AUTS2: variants seen among roughly 807,000 people sequenced by gnomAD.
The protein encoded by AUTS2 is activator of transcription and developmental regulator AUTS2.
AUTS2 carries 17 observed loss-of-function variants against 112.4 expected under a neutral mutation model. That is an observed-to-expected ratio of 0.15 (90% CI 0.10 to 0.23). The LOEUF is 0.23. Ranked by LOEUF, AUTS2 falls within the 10% of genes least tolerant of loss-of-function variation. The pLI is 1.00. For synonymous variants in AUTS2, 751 were observed against 702.7 expected, an observed-to-expected ratio of 1.07 and a Z score of -1.09; for missense variants, 1,510 against 1,701.6, an observed-to-expected ratio of 0.89 and a Z score of 1.98.
At chr7:70,689,552 A>G (rs11976463) in intron 5 of AUTS2, among the ~76,000 whole-genome samples, 3,294 of 151,948 alleles carry the variant, frequency 0.022, 139 homozygotes, top group African/African-American at 0.074. Flanking sequence ...TGAGGCGGGC[A>G]GATCACGAGG....
At chr7:69,676,258 G>A (rs1796558865) in intron 1 of AUTS2, among the ~76,000 whole-genome samples, 1 of 152,200 alleles carries the variant, frequency 6.6e-6, no homozygotes, top group Non-Finnish European at 1.5e-5. Flanking sequence ...TAGACCCTTA[G>A]GTATGGCCCT....
intron 5 of AUTS2, among the ~76,000 whole-genome samples, chr7:70,549,840 C>T (rs1646744470): frequency 6.6e-6 from 1 of 152,172 alleles, no homozygotes; most frequent in African/African-American, 2.4e-5. Flanking sequence ...AGGTAGACAC[C>T]ACACACTCTC....
At chr7:70,535,731 T>G (rs1249463757) in intron 5 of AUTS2, among the ~76,000 whole-genome samples, 1 of 152,158 alleles carries the variant, frequency 6.6e-6, no homozygotes, top group Non-Finnish European at 1.5e-5. Flanking sequence ...GTTGTTTTCA[T>G]CTTACTTGGT....
At chr7:70,379,949 G>T (rs1194562468) in intron 4 of AUTS2, among the ~76,000 whole-genome samples, 3 of 152,134 alleles carry the variant, frequency 2.0e-5, no homozygotes, top group East Asian at 3.8e-4. Flanking sequence ...AAAATATTTC[G>T]ATCAGGTGCA....
intron 5 of AUTS2, among the ~76,000 whole-genome samples, chr7:70,555,379 TG>T (rs1314228304): frequency 6.6e-6 from 1 of 152,214 alleles, no homozygotes; most frequent in Non-Finnish European, 1.5e-5. Context: ...TTGCTTTCAT[TG>T]GTAGCTCATG....
chr7:69,860,719 GCTCT>G (rs775037393), intron 1 of AUTS2, among the ~76,000 whole-genome samples: 1 of 152,064 alleles, frequency 6.6e-6, no homozygotes, highest in Non-Finnish European at 1.5e-5. Context: ...TTTAAAGTAA[GCTCT>G]CTAATTATGC....
intron 1 of AUTS2, among the ~76,000 whole-genome samples, chr7:69,604,498 G>C (rs960501948): frequency 1.3e-5 from 2 of 152,180 alleles, no homozygotes; most frequent in African/African-American, 4.8e-5. Flanking sequence ...TCAACTAAGC[G>C]CCATAGGCTT....
At chr7:69,726,359 T>A (rs1340234344) in intron 1 of AUTS2, among the ~76,000 whole-genome samples, 1 of 152,216 alleles carries the variant, frequency 6.6e-6, no homozygotes, top group Non-Finnish European at 1.5e-5. Flanking sequence ...TGTTCTATAT[T>A]GTTACATGTC....
chr7:70,040,524 T>C (rs1293701532), intron 2 of AUTS2, among the ~76,000 whole-genome samples: 1 of 152,242 alleles, frequency 6.6e-6, no homozygotes, highest in African/African-American at 2.4e-5. Flanking sequence ...AATAGCCATT[T>C]TACAAAGGAA....
intron 1 of AUTS2, among the ~76,000 whole-genome samples, chr7:69,781,938 TC>T (rs1455070581): frequency 6.6e-6 from 1 of 152,152 alleles, no homozygotes; most frequent in Non-Finnish European, 1.5e-5. Flanking sequence ...ACTTATTAAT[TC>T]CCCTTCTCTT....
intron 1 of AUTS2, among the ~76,000 whole-genome samples, chr7:69,728,682 T>TTC (rs1786640239): frequency 6.8e-6 from 1 of 147,194 alleles, no homozygotes; most frequent in African/African-American, 2.5e-5. Context: ...GCTTGTGGCT[T>TTC]TTTTTTTTTT....
intron 1 of AUTS2, among the ~76,000 whole-genome samples, chr7:69,801,678 C>T (rs1347271179): frequency 2.0e-5 from 3 of 152,054 alleles, no homozygotes; most frequent in Non-Finnish European, 4.4e-5. Context: ...TTCATTTATT[C>T]ATTCATTCAA....
chr7:70,204,574 G>GAT (rs1810475403), intron 4 of AUTS2, among the ~76,000 whole-genome samples: 1 of 152,094 alleles, frequency 6.6e-6, no homozygotes, highest in African/African-American at 2.4e-5. Flanking sequence ...TATACAGCAG[G>GAT]ATAGATTTGT....
In AUTS2 at chr7:70,330,748, C is replaced by T. The variant is rs574864834; in HGVS notation, c.661-105004C>T. Among the ~76,000 whole-genome samples, 4 of 152,282 alleles carry T rather than the reference C, an allele frequency of 2.6e-5. No individual in the cohort carries two copies. The South Asian group carries it at 8.3e-4, about 32-fold the overall frequency. On this transcript the variant is annotated intron_variant, in intron 4 of 18. Coordinates refer to ENST00000342771, the MANE Select transcript of AUTS2 (RefSeq NM_015570.4). ...ACATCTTAACAATACTGTCTCCCAA[C>T]CCATGAACACAGGGTGTCCGTCTAT... is the stretch of plus-strand genomic sequence containing the variant.
chr7:70,516,519 A>G (rs1799424794), intron 5 of AUTS2, among the ~76,000 whole-genome samples: 1 of 152,228 alleles, frequency 6.6e-6, no homozygotes, highest in Non-Finnish European at 1.5e-5. Flanking sequence ...AGTCTGAGCC[A>G]AGCATGAATC....
At chr7:69,628,246 G>T (rs980540461) in intron 1 of AUTS2, among the ~76,000 whole-genome samples, 1 of 152,182 alleles carries the variant, frequency 6.6e-6, no homozygotes, top group Non-Finnish European at 1.5e-5. Context: ...TGTGCTTGGA[G>T]CCTGTGTTTG....
intron 5 of AUTS2, among the ~76,000 whole-genome samples, chr7:70,570,958 C>G (rs1269805136): frequency 6.6e-6 from 1 of 152,188 alleles, no homozygotes; most frequent in South Asian, 2.1e-4. Context: ...CACACATTTG[C>G]TGAACACACC....
intron 2 of AUTS2, among the ~76,000 whole-genome samples, chr7:70,023,563 T>G (rs2129555581): frequency 6.6e-6 from 1 of 152,340 alleles, no homozygotes; most frequent in Non-Finnish European, 1.5e-5. Flanking sequence ...GTGAGGATAA[T>G]GAGTTAATGA....
intron 4 of AUTS2, among the ~76,000 whole-genome samples, chr7:70,280,385 G>A (rs941339050): frequency 3.4e-5 from 5 of 149,200 alleles, no homozygotes; most frequent in African/African-American, 1.2e-4. Flanking sequence ...CCGGGTTCAA[G>A]CGATTCTCAT....
Sources: allele counts gnomAD v4.1 joint callset (sites outside exome capture counted in the v4.1 genomes callset), GRCh38; gene constraint gnomAD v4.1.1; transcripts MANE v1.5; gene names NCBI Gene and HGNC (gene_info 2026-07-23, HGNC 2026-07-21).